EPHA5: variants seen among roughly 807,000 people sequenced by gnomAD.
The protein encoded by EPHA5 is ephrin type-A receptor 5.
EPHA5 carries 60 observed loss-of-function variants against 105.0 expected under a neutral mutation model. The observed-to-expected ratio is 0.57, with a 90% CI of 0.46 to 0.71. The LOEUF is 0.71. EPHA5 is among the 30% of genes least tolerant of loss of function. The probability of loss-of-function intolerance (pLI) is 0.00; values close to 1 mark genes in which losing one functional copy is unlikely to be tolerated. For missense variants in EPHA5, 1,218 were observed against 1,274.7 expected (o/e 0.96, Z 0.68); for synonymous variants, 513 against 449.1 (o/e 1.14, Z -1.80).
intron 5 of EPHA5, among the ~76,000 whole-genome samples, chr4:65,430,649 A>G (rs1724884085): frequency 6.6e-6 from 1 of 152,058 alleles, no homozygotes; most frequent in East Asian, 1.9e-4. Context: ...GATGCACAGA[A>G]GTTAATTATC....
Position 65,322,558 on chromosome 4 carries a change from C to T in EPHA5, c.*1556G>A, listed in dbSNP as rs568896613. On this transcript the variant is annotated 3_prime_UTR_variant, in exon 17 of 17. Coordinates refer to ENST00000613740, the MANE Select transcript of EPHA5 (RefSeq NM_001281766.3). ...ACAAAAATGTTGGTTATCTCAGGAG[C>T]TCAGTTTTGGACAATTTCTAATACA... The T allele has an allele frequency of 4.5e-6, 1 of 224,686 alleles. No individual in the cohort carries two copies. Among genetic ancestry groups the T allele is most frequent in the African/African-American group, 2.2e-5 (1 of 44,868 alleles). The allele number at this position is 224,686 out of a possible 1,614,324, so 13.9% of individuals were successfully genotyped here.
intron 8 of EPHA5, among the ~76,000 whole-genome samples, chr4:65,402,589 T>C (rs904010975): frequency 2.6e-5 from 4 of 152,166 alleles, no homozygotes; most frequent in African/African-American, 9.7e-5. Context: ...GTTCTTTTTT[T>C]TCCATTTTTA....
chr4:65,589,652 T>C (rs1742446436), intron 3 of EPHA5, among the ~76,000 whole-genome samples: 1 of 152,088 alleles, frequency 6.6e-6, no homozygotes, highest in South Asian at 2.1e-4. Context: ...CAAACACAGA[T>C]GACACACAGA....
chr4:65,441,583 G>A (rs191593804), intron 5 of EPHA5, among the ~76,000 whole-genome samples: 116 of 152,160 alleles, frequency 7.6e-4, no homozygotes, highest in Non-Finnish European at 1.3e-3. Context: ...AAGTAAGAAA[G>A]AGAAAAAAGA....
chr4:65,469,441 T>C (rs879929578), intron 5 of EPHA5, among the ~76,000 whole-genome samples: 2 of 152,054 alleles, frequency 1.3e-5, no homozygotes, highest in Non-Finnish European at 2.9e-5. Flanking sequence ...TGATGATGAG[T>C]AATGCTCTTT....
chr4:65,349,047 C>G (rs1722569786), intron 13 of EPHA5, among the ~76,000 whole-genome samples: 1 of 151,504 alleles, frequency 6.6e-6, no homozygotes, highest in Non-Finnish European at 1.5e-5. Flanking sequence ...AACTCCTGAC[C>G]TCAAGTGATT....
intron 9 of EPHA5, 48 bp from the exon 10 acceptor site, chr4:65,366,105 G>T: frequency 6.6e-7 from 1 of 1,522,370 alleles, no homozygotes; most frequent in African/African-American, 1.4e-5. Flanking sequence ...TGATGGATGA[G>T]CAAAATTATG....
At chr4:65,338,600 T>C (rs946352209) in intron 14 of EPHA5, among the ~76,000 whole-genome samples, 1 of 152,114 alleles carries the variant, frequency 6.6e-6, no homozygotes, top group Non-Finnish European at 1.5e-5. Flanking sequence ...TATTTTCGGG[T>C]AAATTTATAC....
intron 5 of EPHA5, among the ~76,000 whole-genome samples, chr4:65,468,232 A>G (rs1728907158): frequency 6.6e-6 from 1 of 151,886 alleles, no homozygotes; most frequent in Non-Finnish European, 1.5e-5. Flanking sequence ...CACCTAATAG[A>G]TATATAGACA....
Position 65,475,513 on chromosome 4 carries a change from T to C in EPHA5, c.1402+14864A>G, listed in dbSNP as rs140245190. 2.6e-3 allele frequency among the ~76,000 whole-genome samples: 390 copies of C among 152,300 alleles called. 1 individual carries two copies. The highest frequency in any genetic ancestry group is 9.1e-3 in the African/African-American group (377 of 41,570). On this transcript the variant is annotated intron_variant, in intron 5 of 16. Coordinates refer to ENST00000613740, the MANE Select transcript of EPHA5 (RefSeq NM_001281766.3). ...ACACAGCACACTAAGAAGATGTATATGATTTCAACCACTGGGAAGGCTTTA... is the reference window on the plus strand; with the variant it reads ...ACACAGCACACTAAGAAGATGTATACGATTTCAACCACTGGGAAGGCTTTA...
chr4:65,420,690 T>G, intron 5 of EPHA5, 125 bp from the exon 6 acceptor site: 1 of 876,048 alleles, frequency 1.1e-6, no homozygotes, highest in Non-Finnish European at 1.6e-6. Context: ...AATTAAATTT[T>G]AGTTTTTCTA....
chr4:65,634,312 A>C (rs772063857), intron 2 of EPHA5, among the ~76,000 whole-genome samples: 1 of 152,146 alleles, frequency 6.6e-6, no homozygotes, highest in Non-Finnish European at 1.5e-5. Flanking sequence ...ATGAACAAAT[A>C]ATGCATGTAT....
At chr4:65,525,074 C>A (rs998194446) in intron 3 of EPHA5, among the ~76,000 whole-genome samples, 4 of 151,614 alleles carry the variant, frequency 2.6e-5, no homozygotes, top group African/African-American at 9.7e-5. Context: ...TGGTGTATAT[C>A]TCATGCCTTA....
chr4:65,574,166 A>G, intron 3 of EPHA5: 1 of 1,606,452 alleles, frequency 6.2e-7, no homozygotes, highest in Non-Finnish European at 8.5e-7. Flanking sequence ...TCTTCGACAC[A>G]GAAAAAGGGA....
At chr4:65,524,544 A>G (rs1197769728) in intron 3 of EPHA5, among the ~76,000 whole-genome samples, 1 of 151,824 alleles carries the variant, frequency 6.6e-6, no homozygotes, top group African/African-American at 2.4e-5. Context: ...GTATTCCAAC[A>G]TCCCTGTTTA....
At chr4:65,358,527 T>C (rs1211396955) in intron 11 of EPHA5, among the ~76,000 whole-genome samples, 1 of 151,540 alleles carries the variant, frequency 6.6e-6, no homozygotes, top group Non-Finnish European at 1.5e-5. Context: ...AACACAAATA[T>C]GGTGAATCAA....
At position 65,353,049 on chromosome 4, in the gene EPHA5, A is replaced by T. The variant is rs778584635; in HGVS notation, c.2228T>A (p.Phe743Tyr). The T allele has an allele frequency of 2.6e-6, 4 of 1,549,114 alleles. No individual in the cohort carries two copies. Among genetic ancestry groups the T allele is most frequent in the Admixed American group, 1.9e-5 (1 of 51,406 alleles). The change falls in exon 12 of 17, where the codon TTT becomes TAT. Residue 743 changes from phenylalanine (F) to tyrosine (Y), a missense_variant. Coordinates refer to ENST00000613740, the MANE Select transcript of EPHA5 (RefSeq NM_001281766.3). The part of the protein sequence containing the change: ...EYMENGSLDT[F>Y]LKKNDGQFTV... ...ATTATTCCCCAATCCTACCTTCAAA[A>T]ATGTATCTAAAGAGCCATTCTCCAT... is the stretch of plus-strand genomic sequence containing the variant.
At chr4:65,465,434 T>C (rs1728524057) in intron 5 of EPHA5, among the ~76,000 whole-genome samples, 1 of 32,180 alleles carries the variant, frequency 3.1e-5, no homozygotes, top group African/African-American at 1.1e-4. Context: ...CCCCCACCCC[T>C]CTAAAGAAAG....
intron 3 of EPHA5, among the ~76,000 whole-genome samples, chr4:65,575,250 C>G (rs956296367): frequency 6.6e-6 from 1 of 152,106 alleles, no homozygotes; most frequent in African/African-American, 2.4e-5. Context: ...ATTTCTACTG[C>G]TCACAACCTT....
Sources: gnomAD v4.1 joint callset for allele counts (sites outside exome capture counted in the v4.1 genomes callset) on GRCh38, gnomAD v4.1.1 for gene constraint, MANE v1.5 for transcripts, NCBI Gene and HGNC (gene_info 2026-07-23, HGNC 2026-07-21) for gene names.